PRKG1: variants seen among roughly 807,000 people sequenced by gnomAD.
PRKG1 encodes the protein protein kinase cGMP-dependent 1.
PRKG1 carries 35 observed loss-of-function variants against 88.1 expected under a neutral mutation model. That is an observed-to-expected ratio of 0.40 (90% CI 0.30 to 0.53). The LOEUF (loss-of-function observed/expected upper bound fraction) is 0.53, where lower values mean the gene tolerates loss of function less well. Ranked by LOEUF, PRKG1 falls within the 20% of genes least tolerant of loss-of-function variation. The probability of loss-of-function intolerance (pLI) is 0.59; values close to 1 mark genes in which losing one functional copy is unlikely to be tolerated. For missense variants in PRKG1, 540 were observed against 839.8 expected (o/e 0.64, Z 4.41); for synonymous variants, 303 against 292.5 (o/e 1.04, Z -0.37).
At chr10:51,647,346 C>T (rs1485832699) in intron 3 of PRKG1, among the ~76,000 whole-genome samples, 1 of 152,126 alleles carries the variant, frequency 6.6e-6, no homozygotes, top group Admixed American at 6.6e-5. Flanking sequence ...CAAAAAGACT[C>T]ACATTTCATG....
chr10:51,483,009 C>CTTTTTTTTT (rs149140774), intron 3 of PRKG1, among the ~76,000 whole-genome samples: 37 of 110,450 alleles, frequency 3.3e-4, no homozygotes, highest in African/African-American at 8.2e-4. Context: ...TCTTTTCTTT[C>CTTTTTTTTT]TTTTTTTTTT....
At chr10:51,469,213 T>A (rs1203055755) in intron 3 of PRKG1, among the ~76,000 whole-genome samples, 3 of 151,890 alleles carry the variant, frequency 2.0e-5, no homozygotes, top group Non-Finnish European at 4.4e-5. Flanking sequence ...ACAATCATGC[T>A]TCATTTTCAT....
At chr10:51,542,318 G>A (rs1043682051) in intron 3 of PRKG1, among the ~76,000 whole-genome samples, 3 of 152,140 alleles carry the variant, frequency 2.0e-5, no homozygotes, top group African/African-American at 7.2e-5. Context: ...TGTCTTGTAA[G>A]TCCTGCATTA....
intron 2 of PRKG1, among the ~76,000 whole-genome samples, chr10:51,278,607 T>C (rs906453416): frequency 1.3e-5 from 2 of 152,218 alleles, no homozygotes; most frequent in Non-Finnish European, 2.9e-5. Context: ...GTTGGTAGGC[T>C]ATTAACTATT....
chr10:51,962,869 T>C (rs1168030103), intron 5 of PRKG1, among the ~76,000 whole-genome samples: 1 of 152,202 alleles, frequency 6.6e-6, no homozygotes, highest in Non-Finnish European at 1.5e-5. Flanking sequence ...TGTTTGAGGC[T>C]ACAAGGAATT....
intron 2 of PRKG1, among the ~76,000 whole-genome samples, chr10:51,265,943 C>T (rs1839825596): frequency 6.6e-6 from 1 of 152,112 alleles, no homozygotes; most frequent in Admixed American, 6.6e-5. Flanking sequence ...AGCAGTGGTC[C>T]TCAAACTTCA....
chr10:51,614,953 T>C (rs1382377591), intron 3 of PRKG1, among the ~76,000 whole-genome samples: 1 of 150,266 alleles, frequency 6.7e-6, no homozygotes, highest in Non-Finnish European at 1.5e-5. Flanking sequence ...ATATTCAACT[T>C]TGAATATATC....
intron 8 of PRKG1, among the ~76,000 whole-genome samples, chr10:52,148,069 T>A (rs1028085460): frequency 2.0e-5 from 3 of 152,224 alleles, no homozygotes; most frequent in African/African-American, 7.2e-5. Context: ...ATCAGTGTAC[T>A]ATGTAAGAAC....
chr10:52,081,187 A>G (rs559362130), intron 7 of PRKG1, among the ~76,000 whole-genome samples: 92 of 152,336 alleles, frequency 6.0e-4, no homozygotes, highest in African/African-American at 1.8e-3. Context: ...TGTGTTGAAT[A>G]GAAACTTTGG....
chr10:51,841,593 C>T (rs894171961), intron 4 of PRKG1, among the ~76,000 whole-genome samples: 3 of 151,886 alleles, frequency 2.0e-5, no homozygotes, highest in Non-Finnish European at 2.9e-5. Context: ...TTTTCTTGTG[C>T]AGTTGAATTT....
At chr10:51,920,499 C>A (rs1055617982) in intron 5 of PRKG1, among the ~76,000 whole-genome samples, 5 of 152,126 alleles carry the variant, frequency 3.3e-5, no homozygotes, top group African/African-American at 1.2e-4. Context: ...CATGTCTTCT[C>A]TCTTTCTGTT....
intron 1 of PRKG1, among the ~76,000 whole-genome samples, chr10:51,012,711 G>A (rs1213517854): frequency 6.6e-6 from 1 of 152,190 alleles, no homozygotes; most frequent in Admixed American, 6.5e-5. Context: ...GCCTGGTCTA[G>A]TAATAGAGAC....
intron 3 of PRKG1, among the ~76,000 whole-genome samples, chr10:51,722,066 C>T (rs1201618264): frequency 1.3e-5 from 2 of 152,102 alleles, no homozygotes; most frequent in African/African-American, 2.4e-5. Flanking sequence ...CTTGTCTCTA[C>T]TGAAAACACA....
At chr10:52,136,784 T>A (rs1375401809) in intron 8 of PRKG1, among the ~76,000 whole-genome samples, 1 of 152,040 alleles carries the variant, frequency 6.6e-6, no homozygotes, top group Non-Finnish European at 1.5e-5. Context: ...GGCATAGGAT[T>A]CCCTTGGATT....
intron 3 of PRKG1, among the ~76,000 whole-genome samples, chr10:51,700,262 C>T (rs1450520114): frequency 6.6e-6 from 1 of 152,178 alleles, no homozygotes; most frequent in Non-Finnish European, 1.5e-5. Context: ...GGGTGGCAGA[C>T]CCTTCTAGGT....
At chr10:51,902,608 C>T (rs1842003805) in intron 4 of PRKG1, among the ~76,000 whole-genome samples, 1 of 152,070 alleles carries the variant, frequency 6.6e-6, no homozygotes, top group African/African-American at 2.4e-5. Context: ...AAAGAATGAC[C>T]TAGTGGATGA....
intron 8 of PRKG1, among the ~76,000 whole-genome samples, chr10:52,153,482 T>C (rs528521020): frequency 9.2e-5 from 14 of 152,342 alleles, no homozygotes; most frequent in African/African-American, 3.4e-4. Flanking sequence ...TGGTACACTT[T>C]GAAAGAACAC....
chr10:52,172,966 T>A (rs1838750244), intron 9 of PRKG1, among the ~76,000 whole-genome samples: 1 of 152,248 alleles, frequency 6.6e-6, no homozygotes, highest in East Asian at 1.9e-4. Context: ...TCCTTTCTAA[T>A]TTTTGGCTTT....
intron 2 of PRKG1, among the ~76,000 whole-genome samples, chr10:51,316,699 A>AATAAATAT (rs1841330475): frequency 6.6e-6 from 1 of 151,978 alleles, no homozygotes; most frequent in African/African-American, 2.4e-5. Flanking sequence ...TAAATAAATA[A>AATAAATAT]ATAAATAAAT....
Sources: gnomAD v4.1 joint callset for allele counts (sites outside exome capture counted in the v4.1 genomes callset) on GRCh38, gnomAD v4.1.1 for gene constraint, MANE v1.5 for transcripts, NCBI Gene and HGNC (gene_info 2026-07-23, HGNC 2026-07-21) for gene names.